SLC39A11: variants seen among roughly 807,000 people sequenced by gnomAD.
SLC39A11 encodes solute carrier family 39 member 11.
In SLC39A11, 33 loss-of-function variants were observed where a neutral mutation model predicts 36.1. The ratio of observed to expected loss-of-function variants is 0.91; its 90% CI spans 0.69 to 1.22. The LOEUF is 1.22. Ranked by LOEUF, SLC39A11 falls within the 50% of genes most tolerant of loss-of-function variation. The pLI, the probability that SLC39A11 is intolerant of heterozygous loss-of-function variation, is 0.00. For missense variants in SLC39A11, 432 were observed against 430.3 expected (o/e 1.00, Z -0.03); for synonymous variants, 166 against 170.3 (o/e 0.97, Z 0.20).
intron 3 of SLC39A11, among the ~76,000 whole-genome samples, chr17:73,081,671 A>ATATATGTATATATGTATGTG (rs1568242973): frequency 2.1e-5 from 3 of 143,406 alleles, no homozygotes; most frequent in South Asian, 2.4e-4. Context: ...ACACACACAC[A>ATATATGTATATATGTATGTG]TATATATACA....
intron 4 of SLC39A11, among the ~76,000 whole-genome samples, chr17:73,007,182 G>A (rs1481563642): frequency 2.0e-5 from 3 of 152,118 alleles, no homozygotes; most frequent in Non-Finnish European, 4.4e-5. Context: ...CAGCACTTTC[G>A]GAGGCCGAGG....
chr17:72,877,237 C>A (rs1253879215), intron 5 of SLC39A11, among the ~76,000 whole-genome samples: 2 of 152,152 alleles, frequency 1.3e-5, no homozygotes, highest in East Asian at 3.8e-4. Flanking sequence ...AGGGAAAATG[C>A]CAGAAAAGGC....
chr17:72,956,274 A>C (rs1165283501), intron 4 of SLC39A11, among the ~76,000 whole-genome samples: 4 of 152,226 alleles, frequency 2.6e-5, no homozygotes, highest in African/African-American at 4.8e-5. Context: ...ACCTTTTCCT[A>C]GTCCTGATGC....
chr17:72,787,448 AG>A, intron 6 of SLC39A11, among the ~76,000 whole-genome samples: 1 of 151,748 alleles, frequency 6.6e-6, no homozygotes, highest in Admixed American at 6.6e-5. Flanking sequence ...TAGTAAAGAC[AG>A]GGTTTCACCG....
At chr17:73,088,858 T>C (rs2060831619) in intron 1 of SLC39A11, 83 bp from the exon 2 acceptor site, 7 of 1,011,790 alleles carry the variant, frequency 6.9e-6, no homozygotes, top group African/African-American at 3.2e-5. Flanking sequence ...TAACACCCTG[T>C]GTGGGAGCTG....
At position 72,646,779 on chromosome 17, in the gene SLC39A11, T is replaced by C. The variant is rs1414461495; in HGVS notation, c.*805A>G. On this transcript the variant is annotated 3_prime_UTR_variant, in exon 10 of 10. Transcript: ENST00000255559. ...ATGGCTATAAACTTATCAAAATAAA[T>C]GCCTAAGAAATTTGGAAAGCGCGAC... is the stretch of plus-strand genomic sequence containing the variant. The C allele has an allele frequency of 6.6e-6, 1 of 152,548 alleles. No homozygotes were observed. The highest frequency in any genetic ancestry group is 2.4e-5 in the African/African-American group (1 of 41,432). 9.4% of individuals were successfully genotyped at this position (152,548 alleles called of 1,614,324 possible).
intron 6 of SLC39A11, among the ~76,000 whole-genome samples, chr17:72,787,400 G>C (rs1285324724): frequency 6.6e-6 from 1 of 151,782 alleles, no homozygotes; most frequent in Non-Finnish European, 1.5e-5. Flanking sequence ...TGGGACTACA[G>C]GCGCCTGCCA....
At chr17:72,865,807 A>C (rs1393422275) in intron 5 of SLC39A11, among the ~76,000 whole-genome samples, 4 of 152,222 alleles carry the variant, frequency 2.6e-5, no homozygotes, top group African/African-American at 9.6e-5. Context: ...TAAAAGAAGA[A>C]ATTAAAACCA....
At chr17:72,940,010 G>C (rs1404160924) in intron 5 of SLC39A11, among the ~76,000 whole-genome samples, 1 of 152,168 alleles carries the variant, frequency 6.6e-6, no homozygotes, top group East Asian at 1.9e-4. Context: ...TTTTGGATTT[G>C]GGAGCATTTC....
At chr17:72,682,648 C>A (rs78561289) in intron 7 of SLC39A11, among the ~76,000 whole-genome samples, 5,820 of 152,228 alleles carry the variant, frequency 0.038, 357 homozygotes, top group African/African-American at 0.13. Flanking sequence ...AACTCACTGA[C>A]CCCCACAAAA....
chr17:72,686,892 G>A (rs562703981), intron 7 of SLC39A11, among the ~76,000 whole-genome samples: 3 of 152,194 alleles, frequency 2.0e-5, no homozygotes, highest in Non-Finnish European at 4.4e-5. Flanking sequence ...GAGCATGCTT[G>A]TGTCACCTGC....
chr17:73,084,613 T>C (rs1246560662), intron 3 of SLC39A11, among the ~76,000 whole-genome samples, 195 bp downstream of exon 3: 2 of 152,062 alleles, frequency 1.3e-5, no homozygotes, highest in Non-Finnish European at 2.9e-5. Context: ...TAAACCTCGA[T>C]TGCTGTCTAA....
chr17:73,041,621 T>C (rs1223047285), intron 3 of SLC39A11, among the ~76,000 whole-genome samples: 1 of 152,248 alleles, frequency 6.6e-6, no homozygotes, highest in African/African-American at 2.4e-5. Context: ...GCACCCAGCA[T>C]CTTCCCACAT....
chr17:72,646,410 TA>T lies in SLC39A11; in HGVS notation c.*1173del, dbSNP rs1409346590. ...TGCTACCCCTGTTGGAGAAGCTATG[TA>T]AGAAGGAGTAGGCTGGCTTCTGGTC... On this transcript the variant is annotated 3_prime_UTR_variant, in exon 10 of 10. Coordinates refer to ENST00000255559, the MANE Select transcript of SLC39A11 (RefSeq NM_139177.4). The T allele has an allele frequency of 6.6e-6, 1 of 152,258 alleles. No homozygotes were observed. The highest frequency in any genetic ancestry group is 2.4e-5 in the African/African-American group (1 of 41,470). 9.4% of individuals were successfully genotyped at this position (152,258 alleles called of 1,614,324 possible).
chr17:73,085,146 G>C (rs1421453250), intron 2 of SLC39A11, among the ~76,000 whole-genome samples: 1 of 152,138 alleles, frequency 6.6e-6, no homozygotes, highest in Non-Finnish European at 1.5e-5. Flanking sequence ...CCTTTAGTAA[G>C]TAGCCTGTCT....
At chr17:72,978,936 T>G (rs963084321) in intron 4 of SLC39A11, among the ~76,000 whole-genome samples, 1 of 152,208 alleles carries the variant, frequency 6.6e-6, no homozygotes, top group Admixed American at 6.5e-5. Context: ...GGTGACTGAC[T>G]AGCCAGAAAC....
chr17:73,088,848 T>C (rs2060831278), intron 1 of SLC39A11, 73 bp from the exon 2 acceptor site: 2 of 1,108,234 alleles, frequency 1.8e-6, no homozygotes, highest in Non-Finnish European at 2.7e-6. Flanking sequence ...TGACGGGTCC[T>C]AACACCCTGT....
At chr17:72,774,030 A>G in intron 6 of SLC39A11, among the ~76,000 whole-genome samples, 1 of 152,206 alleles carries the variant, frequency 6.6e-6, no homozygotes, top group East Asian at 1.9e-4. Flanking sequence ...TGAAGCCTAA[A>G]GCTGCTTGGG....
intron 6 of SLC39A11, among the ~76,000 whole-genome samples, chr17:72,776,265 C>T (rs1453730158): frequency 1.3e-5 from 2 of 152,204 alleles, no homozygotes; most frequent in Non-Finnish European, 2.9e-5. Flanking sequence ...CAATGCTTCC[C>T]AAGTGTAAAC....
Sources: allele counts gnomAD v4.1 joint callset (sites outside exome capture counted in the v4.1 genomes callset), GRCh38; gene constraint gnomAD v4.1.1; transcripts MANE v1.5; gene names NCBI Gene and HGNC (gene_info 2026-07-23, HGNC 2026-07-21).